The following MAST2 variants were observed in gnomAD, a reference collection of about 807,000 sequenced individuals.
MAST2 encodes microtubule-associated serine/threonine-protein kinase 2.
MAST2 carries 70 observed loss-of-function variants against 147.4 expected under a neutral mutation model. That is an observed-to-expected ratio of 0.47 (90% CI 0.39 to 0.58). The LOEUF is 0.58. MAST2 is among the 20% of genes least tolerant of loss of function. MAST2 has a pLI of 0.00. For synonymous variants in MAST2, 869 were observed against 896.8 expected (o/e 0.97, Z 0.55); for missense variants, 2,080 against 2,302.3 (o/e 0.90, Z 1.98).
At chr1:45,928,971 A>G (rs1444531755) in intron 4 of MAST2, among the ~76,000 whole-genome samples, 2 of 151,484 alleles carry the variant, frequency 1.3e-5, no homozygotes, top group African/African-American at 2.4e-5. Context: ...TGTATTTCCT[A>G]TAAACTGGGG....
chr1:45,858,265 C>A (rs1645858152), intron 3 of MAST2, among the ~76,000 whole-genome samples: 2 of 152,160 alleles, frequency 1.3e-5, no homozygotes, highest in South Asian at 4.1e-4. Flanking sequence ...CATATCCTCT[C>A]CAGCACCTGT....
chr1:45,980,547 T>A (rs2149053612), intron 5 of MAST2, among the ~76,000 whole-genome samples: 1 of 152,350 alleles, frequency 6.6e-6, no homozygotes, highest in Admixed American at 6.5e-5. Flanking sequence ...TTTGCTTTTG[T>A]CTTTGGAGAC....
At chr1:45,991,106 ATGAACATTCAGTTGT>A (rs1470003659) in intron 5 of MAST2, among the ~76,000 whole-genome samples, 1 of 152,136 alleles carries the variant, frequency 6.6e-6, no homozygotes, top group African/African-American at 2.4e-5. Context: ...TTTTTTGCAT[ATGAACATTCAGTTGT>A]TCCAGCACCA....
intron 5 of MAST2, among the ~76,000 whole-genome samples, chr1:45,990,266 G>A (rs946654987): frequency 6.6e-6 from 1 of 152,110 alleles, no homozygotes; most frequent in Non-Finnish European, 1.5e-5. Flanking sequence ...TCCAATTGTA[G>A]TTTTAATTTG....
intron 3 of MAST2, among the ~76,000 whole-genome samples, chr1:45,849,035 A>G (rs1054871469): frequency 2.0e-5 from 3 of 152,204 alleles, no homozygotes; most frequent in African/African-American, 7.2e-5. Context: ...GGGAGGTGCA[A>G]GATTTCTACA....
At chr1:45,905,911 C>T (rs1250846407) in intron 4 of MAST2, among the ~76,000 whole-genome samples, 5 of 152,024 alleles carry the variant, frequency 3.3e-5, no homozygotes, top group Non-Finnish European at 7.4e-5. Flanking sequence ...TTGTACTTTC[C>T]TACTAGGGAT....
At chr1:45,953,827 G>A (rs555386509) in intron 4 of MAST2, among the ~76,000 whole-genome samples, 2 of 152,294 alleles carry the variant, frequency 1.3e-5, no homozygotes, top group East Asian at 1.9e-4. Flanking sequence ...AGAGAGACTA[G>A]TTAGGAGGGT....
In MAST2 at chr1:46,023,845, A is replaced by G; in HGVS notation, c.1645A>G (p.Ile549Val). The stretch of plus-strand genomic sequence containing the variant: ...GAAGAAGATCAACAAGCAGAACCTG[A>G]TCCTACGGAACCAGATCCAGCAGGC... ...AMKKINKQNL[I>V]LRNQIQQAFV... The change falls in exon 15 of 29, where the codon ATC becomes GTC. Residue 549 changes from isoleucine to valine, a missense_variant. By Grantham distance (29) the Ile-to-Val change is conservative. This residue lies in a region of MAST2 where 569 missense variants were observed against 642.5 expected (regional missense o/e 0.89). Coordinates refer to ENST00000361297, the MANE Select transcript of MAST2 (RefSeq NM_015112.3). The surrounding 1 kb of genome is among the most constrained non-coding windows in gnomAD (Gnocchi z 4.9). 1.2e-6 allele frequency: 2 copies of G among 1,614,122 alleles called. No homozygotes were observed. The highest frequency in any genetic ancestry group is 1.7e-6 in the Non-Finnish European group (2 of 1,180,024).
intron 5 of MAST2, among the ~76,000 whole-genome samples, chr1:45,992,653 A>C (rs189353682): frequency 6.6e-6 from 1 of 152,274 alleles, no homozygotes; most frequent in African/African-American, 2.4e-5. Context: ...TCAGTGAAAC[A>C]TCTGAAACAG....
intron 3 of MAST2, among the ~76,000 whole-genome samples, chr1:45,864,070 T>G (rs998692236): frequency 6.6e-6 from 1 of 152,230 alleles, no homozygotes; most frequent in East Asian, 1.9e-4. Flanking sequence ...TCTTTCACTC[T>G]TAAAATCTAA....
chr1:45,900,160 ACTCT>A (rs1222471064), intron 4 of MAST2, among the ~76,000 whole-genome samples: 2 of 108,720 alleles, frequency 1.8e-5, no homozygotes, highest in Non-Finnish European at 3.5e-5. Context: ...ACAGAGCGAG[ACTCT>A]CTCTCTCTCA....
At chr1:45,854,085 T>G (rs1043861960) in intron 3 of MAST2, among the ~76,000 whole-genome samples, 2 of 152,152 alleles carry the variant, frequency 1.3e-5, no homozygotes, top group Non-Finnish European at 2.9e-5. Context: ...ATGCCTGTAA[T>G]CTCAGCACTT....
intron 3 of MAST2, chr1:45,847,280 G>C: frequency 2.0e-6 from 1 of 511,148 alleles, no homozygotes; most frequent in Non-Finnish European, 4.0e-6. Flanking sequence ...TGGTGTCCTG[G>C]GAACAGTGCT....
intron 1 of MAST2, among the ~76,000 whole-genome samples, chr1:45,818,283 G>C (rs1644517181): frequency 6.6e-6 from 1 of 152,172 alleles, no homozygotes; most frequent in African/African-American, 2.4e-5. Context: ...TAGTGGATCA[G>C]ACTGACAGCA....
intron 2 of MAST2, among the ~76,000 whole-genome samples, chr1:45,827,483 A>G (rs981451934): frequency 4.6e-5 from 7 of 152,148 alleles, no homozygotes; most frequent in African/African-American, 1.7e-4. Context: ...GAGAGAGATG[A>G]TAGTAATCTT....
At chr1:45,819,995 CAG>C (rs1241128918) in intron 1 of MAST2, among the ~76,000 whole-genome samples, 1 of 152,082 alleles carries the variant, frequency 6.6e-6, no homozygotes, top group Non-Finnish European at 1.5e-5. Context: ...TAAAAACAAA[CAG>C]AGACCAATAG....
At chr1:45,981,836 G>C (rs1048205947) in intron 5 of MAST2, among the ~76,000 whole-genome samples, 2 of 145,020 alleles carry the variant, frequency 1.4e-5, no homozygotes, top group Admixed American at 7.0e-5. Flanking sequence ...TAAAATGGTG[G>C]TAATTTTGGC....
intron 4 of MAST2, among the ~76,000 whole-genome samples, chr1:45,905,989 G>T (rs1650657963): frequency 6.6e-6 from 1 of 152,124 alleles, no homozygotes; most frequent in Non-Finnish European, 1.5e-5. Context: ...CCATTTTATT[G>T]AGTGTATACT....
intron 9 of MAST2, among the ~76,000 whole-genome samples, chr1:46,009,130 C>G (rs1157088613): frequency 6.6e-6 from 1 of 152,204 alleles, no homozygotes; most frequent in South Asian, 2.1e-4. Flanking sequence ...TCTCGGCTCA[C>G]TGCACCCTCT....
Sources: gnomAD v4.1 joint callset for allele counts (sites outside exome capture counted in the v4.1 genomes callset) on GRCh38, gnomAD v4.1.1 for gene constraint, gnomAD v4.1.1 regional missense constraint, Gnocchi (gnomAD v3.1) non-coding constraint, MANE v1.5 for transcripts, NCBI Gene and HGNC (gene_info 2026-07-23, HGNC 2026-07-21) for gene names.